Variants in CCDC83 observed in about 807,000 individuals in gnomAD.
CCDC83 encodes coiled-coil domain-containing protein 83.
A neutral mutation model predicts 50.1 loss-of-function variants in CCDC83; 54 were observed. That is an observed-to-expected ratio of 1.08 (90% CI 0.87 to 1.35). The LOEUF (loss-of-function observed/expected upper bound fraction) is 1.35, where lower values mean the gene tolerates loss of function less well. CCDC83 is among the 40% of genes most tolerant of loss of function. CCDC83 has a pLI of 0.00. For synonymous variants in CCDC83, 161 were observed against 153.3 expected (o/e 1.05, Z -0.37); for missense variants, 518 against 473.9 (o/e 1.09, Z -0.86).
At chr11:85,893,662 T>A (rs1285329739) in intron 5 of CCDC83, among the ~76,000 whole-genome samples, 2 of 152,170 alleles carry the variant, frequency 1.3e-5, no homozygotes, top group Admixed American at 1.3e-4. Flanking sequence ...TGCATTACCG[T>A]CTGAGCTCCG....
intron 3 of CCDC83, among the ~76,000 whole-genome samples, chr11:85,880,691 T>G (rs2135027944): frequency 6.6e-6 from 1 of 152,146 alleles, no homozygotes; most frequent in Non-Finnish European, 1.5e-5. Context: ...GTTCTTTATT[T>G]TCATCACATA....
intron 8 of CCDC83, among the ~76,000 whole-genome samples, chr11:85,913,124 A>G (rs2135143272): frequency 6.6e-6 from 1 of 152,326 alleles, no homozygotes; most frequent in East Asian, 1.9e-4. Flanking sequence ...AGAGTAATAG[A>G]ATGCTTAGTC....
At chr11:85,876,095 C>A (rs1225843662) in intron 3 of CCDC83, among the ~76,000 whole-genome samples, 6 of 152,120 alleles carry the variant, frequency 3.9e-5, no homozygotes, top group Non-Finnish European at 1.5e-5. Context: ...GTTCCAGGAC[C>A]TCACTGCAAC....
chr11:85,902,815 C>A (rs1301927189), intron 7 of CCDC83, among the ~76,000 whole-genome samples: 1 of 152,134 alleles, frequency 6.6e-6, no homozygotes, highest in African/African-American at 2.4e-5. Flanking sequence ...CCTGCAGAGC[C>A]CATGTTTATA....
chr11:85,871,150 G>A (rs528502656), intron 2 of CCDC83, among the ~76,000 whole-genome samples: 12 of 152,312 alleles, frequency 7.9e-5, no homozygotes, highest in East Asian at 3.9e-4. Flanking sequence ...CTAGGTGACA[G>A]AGCAAGACTC....
chr11:85,905,415 C>G (rs2093420576), intron 7 of CCDC83, among the ~76,000 whole-genome samples: 1 of 141,772 alleles, frequency 7.1e-6, no homozygotes. Context: ...GCACTCCAGC[C>G]TGGGCAACAA....
chr11:85,887,802 CTT>C (rs372106214), intron 5 of CCDC83, among the ~76,000 whole-genome samples: 3 of 119,938 alleles, frequency 2.5e-5, no homozygotes, highest in Non-Finnish European at 5.0e-5. Flanking sequence ...TTTATTGTAC[CTT>C]TTTTTTTTTT....
chr11:85,863,275 C>T (rs999426553), intron 1 of CCDC83, among the ~76,000 whole-genome samples: 2 of 152,124 alleles, frequency 1.3e-5, no homozygotes, highest in Non-Finnish European at 2.9e-5. Flanking sequence ...AATTCTAATT[C>T]TAAAATGGAA....
intron 3 of CCDC83, among the ~76,000 whole-genome samples, chr11:85,876,985 CAT>C (rs1451276773): frequency 1.2e-4 from 19 of 152,102 alleles, no homozygotes; most frequent in African/African-American, 4.6e-4. Context: ...GTAGGATAAA[CAT>C]ATTTTTAGCA....
intron 8 of CCDC83, chr11:85,912,846 T>A (rs541712393): frequency 1.3e-6 from 1 of 742,590 alleles, no homozygotes; most frequent in South Asian, 1.5e-5. Flanking sequence ...GCCAGACCCG[T>A]GTCTCTACCT....
chr11:85,874,158 A>G (rs1014492524), intron 3 of CCDC83, among the ~76,000 whole-genome samples: 3 of 152,186 alleles, frequency 2.0e-5, no homozygotes, highest in Non-Finnish European at 4.4e-5. Flanking sequence ...TTCATTCAGT[A>G]CATATTTAGT....
chr11:85,864,560 A>G (rs1008738911), intron 1 of CCDC83, among the ~76,000 whole-genome samples: 2 of 152,146 alleles, frequency 1.3e-5, no homozygotes, highest in South Asian at 2.1e-4. Flanking sequence ...GTAAATCTCA[A>G]CCATTTTAAA....
chr11:85,915,695 T>G (rs12274987), intron 9 of CCDC83, among the ~76,000 whole-genome samples, 197 bp downstream of exon 9: 28,815 of 152,068 alleles, frequency 0.19, 3,274 homozygotes, highest in African/African-American at 0.32. Flanking sequence ...ACTTTCAAAT[T>G]AAGGTCACCA....
At chr11:85,865,394 T>C (rs544324958) in intron 2 of CCDC83, among the ~76,000 whole-genome samples, 176 bp downstream of exon 2, 1 of 152,364 alleles carries the variant, frequency 6.6e-6, no homozygotes, top group East Asian at 1.9e-4. Context: ...TTTTTGAAAC[T>C]TTGAATATAA....
rs990192155 is a variant in CCDC83 at position 85,915,484 on chromosome 11, C to A, written c.860C>A (p.Pro287Gln). ...VPPEEMSLEL[P>Q]ETHIEEKSEL... ...CCTGAAGAAATGTCTTTGGAATTGC[C>A]AGAAACACATATAGGTATTACTTTA... Residue 287 changes from proline to glutamine, a missense_variant, in exon 9 of 11, where the codon CCA becomes CAA. Transcript: ENST00000342404. 6.2e-7 allele frequency: 1 copy of A among 1,610,154 alleles called. No homozygotes were observed.
chr11:85,901,197 T>C (rs1030052034), intron 7 of CCDC83, among the ~76,000 whole-genome samples: 1 of 152,074 alleles, frequency 6.6e-6, no homozygotes, highest in African/African-American at 2.4e-5. Context: ...TGAAACTCCA[T>C]CTCAATATAT....
chr11:85,877,509 T>A (rs79844513), intron 3 of CCDC83, among the ~76,000 whole-genome samples: 1 of 152,208 alleles, frequency 6.6e-6, no homozygotes, highest in South Asian at 2.1e-4. Flanking sequence ...TTAAATTTTG[T>A]AAATGAAAAA....
chr11:85,891,499 G>A (rs1248993123), intron 5 of CCDC83, among the ~76,000 whole-genome samples: 1 of 152,192 alleles, frequency 6.6e-6, no homozygotes, highest in Non-Finnish European at 1.5e-5. Context: ...GAATGAGAAG[G>A]TGAGGGGTTA....
chr11:85,863,289 A>G (rs1487618258), intron 1 of CCDC83, among the ~76,000 whole-genome samples: 2 of 152,262 alleles, frequency 1.3e-5, no homozygotes, highest in Non-Finnish European at 2.9e-5. Flanking sequence ...AATGGAAAAT[A>G]ATATAAAAAT....
Sources: gnomAD v4.1 joint callset for allele counts (sites outside exome capture counted in the v4.1 genomes callset) on GRCh38, gnomAD v4.1.1 for gene constraint, MANE v1.5 for transcripts, NCBI Gene and HGNC (gene_info 2026-07-23, HGNC 2026-07-21) for gene names.